The following ARNT variants were observed in gnomAD, a reference collection of about 807,000 sequenced individuals.
The protein encoded by ARNT is class E basic helix-loop-helix protein 2.
In ARNT, 30 loss-of-function variants were observed where a neutral mutation model predicts 105.0. The observed-to-expected ratio is 0.29, with a 90% CI of 0.21 to 0.39. ARNT has a LOEUF of 0.39. Ranked by LOEUF, ARNT falls within the 10% of genes least tolerant of loss-of-function variation. The pLI is 1.00. For missense variants in ARNT, 748 were observed against 978.7 expected (o/e 0.76, Z 3.15); for synonymous variants, 304 against 344.0 (o/e 0.88, Z 1.29).
At chr1:150,872,459 A>C (rs1482558760) in intron 1 of ARNT, among the ~76,000 whole-genome samples, 2 of 152,218 alleles carry the variant, frequency 1.3e-5, no homozygotes. Context: ...TTCCTTCTAC[A>C]TTCTTCATCC....
At position 150,816,303 on chromosome 1, in the gene ARNT, T is replaced by G; in HGVS notation, c.1906A>C (p.Thr636Pro). 6.2e-7 allele frequency: 1 copy of G among 1,606,738 alleles called. No homozygotes were observed. Among genetic ancestry groups the G allele is most frequent in the Non-Finnish European group, 8.5e-7 (1 of 1,177,886 alleles). Residue 636 changes from threonine (T) to proline (P), a missense_variant, in exon 19 of 22, where the codon ACC becomes CCC. Thr to Pro is a conservative substitution (Grantham distance 38). Around this residue, in one of 4 missense-constraint regions of ARNT, gnomAD observed 360 missense variants for 411.9 expected, o/e 0.87. Transcript: ENST00000358595. ...SRHSNPTQGA[T>P]PTWTPTTRSG... is the part of the protein sequence containing the mutation. ...CGGGTAGTAGGGGTCCAAGTTGGGG[T>G]TGCTCCTTGGGTGGGGTTGGAGTGG...
chr1:150,867,216 C>CA (rs1188163518), intron 1 of ARNT, among the ~76,000 whole-genome samples: 2 of 129,150 alleles, frequency 1.5e-5, no homozygotes, highest in Non-Finnish European at 3.4e-5. Context: ...AAAAAAACAA[C>CA]AACAACAAAA....
In ARNT at chr1:150,813,242, C is replaced by A. The variant is rs748207091; in HGVS notation, c.2210G>T (p.Arg737Leu). ...AACATGTTGCTCACTAGAACTTGAA[C>A]GATGATGAGGCTGCTGGCCCTGCCA... Reference protein sequence around the residue: ...PQWQGQQPHHRSSSSEQHVQQ... With the variant: ...PQWQGQQPHHLSSSSEQHVQQ... Residue 737 changes from arginine to leucine, a missense_variant, in exon 21 of 22, where the codon CGT becomes CTT. Physicochemically the swap from Arg to Leu is moderately radical, Grantham distance 102. Coordinates refer to ENST00000358595, the MANE Select transcript of ARNT (RefSeq NM_001668.4). 62 of 1,613,776 alleles carry A rather than the reference C, an allele frequency of 3.8e-5. No individual in the cohort carries two copies. Among genetic ancestry groups the A allele is most frequent in the Non-Finnish European group, 4.9e-5 (58 of 1,179,932 alleles).
Position 150,816,803 on chromosome 1 carries a change from G to A in ARNT, c.1787C>T (p.Pro596Leu), listed in dbSNP as rs79157855. ...QGNTFPPTPR[P>L]AENFRNSGLA... is the part of the protein sequence containing the mutation. ...CGGGGCTCACCTGAAATTCTCTGCC[G>A]GCCGGGGGGTAGGAGGGAATGTGTT... Residue 596 changes from proline to leucine, a missense_variant, in exon 18 of 22, where the codon CCG becomes CTG. Coordinates refer to ENST00000358595, the MANE Select transcript of ARNT (RefSeq NM_001668.4). 24 of 1,582,138 alleles carry A rather than the reference G, an allele frequency of 1.5e-5. No individual in the cohort carries two copies. In the East Asian group the frequency reaches 2.2e-4, roughly 15 times the overall value.
chr1:150,816,414 TG>T lies in ARNT; in HGVS notation c.1803-9del. On this transcript the variant is annotated splice_polypyrimidine_tract_variant and intron_variant, in intron 18 of 21. Coordinates refer to ENST00000358595, the MANE Select transcript of ARNT (RefSeq NM_001668.4). ...GGGGCTAGGCCACTATTCCTAGGAG[TG>T]AATAAATGAGGTAAAAGATTAAAAG... 4 of 1,594,704 alleles carry T rather than the reference TG, an allele frequency of 2.5e-6. No homozygotes were observed. Among genetic ancestry groups the T allele is most frequent in the Non-Finnish European group, 3.4e-6 (4 of 1,174,044 alleles).
At chr1:150,866,880 G>C (rs1666675305) in intron 1 of ARNT, among the ~76,000 whole-genome samples, 2 of 152,246 alleles carry the variant, frequency 1.3e-5, no homozygotes, top group South Asian at 4.1e-4. Flanking sequence ...GGAAATACTG[G>C]TGAGTACATA....
intron 2 of ARNT, among the ~76,000 whole-genome samples, chr1:150,855,736 T>TA (rs769612799): frequency 1.5e-3 from 203 of 137,016 alleles, no homozygotes; most frequent in African/African-American, 1.7e-3. Flanking sequence ...ACCATGTCTT[T>TA]AAAAAAAAAA....
chr1:150,847,038 C>T (rs952961438), intron 3 of ARNT, among the ~76,000 whole-genome samples: 19 of 152,154 alleles, frequency 1.2e-4, no homozygotes, highest in Non-Finnish European at 2.2e-4. Context: ...TCGGTTACTT[C>T]GACCTCTTAT....
At chr1:150,842,921 T>C (rs1661538718) in intron 4 of ARNT, among the ~76,000 whole-genome samples, 1 of 152,192 alleles carries the variant, frequency 6.6e-6, no homozygotes, top group South Asian at 2.1e-4. Context: ...CCACATGTGC[T>C]ATTCTATAAT....
At position 150,838,083 on chromosome 1, in the gene ARNT, TTA is replaced by T. The variant is rs587740349; in HGVS notation, c.486+1356_486+1357del. Among the ~76,000 whole-genome samples the T allele has an allele frequency of 5.3e-5, 8 of 152,338 alleles. No homozygotes were observed. In the East Asian group the frequency reaches 7.7e-4, roughly 15 times the overall value. On this transcript the variant is annotated intron_variant, in intron 6 of 21. Transcript: ENST00000358595. ...AATGCTACCAGATCTAATACATTTT[TTA>T]TGTCTCCCCACTGCATAAAAATTAA... is the stretch of plus-strand genomic sequence containing the variant.
intron 7 of ARNT, 136 bp from the exon 8 acceptor site, chr1:150,834,776 C>A: frequency 1.6e-6 from 1 of 615,426 alleles, no homozygotes; most frequent in Non-Finnish European, 2.8e-6. Flanking sequence ...ACTGACCAAG[C>A]AGGAGATGAA....
At chr1:150,830,052 A>G in intron 10 of ARNT, 72 bp from the exon 11 acceptor site, 1 of 1,545,976 alleles carries the variant, frequency 6.5e-7, no homozygotes, top group South Asian at 1.1e-5. Flanking sequence ...CAGACAAGTA[A>G]AGATTCAAAA....
chr1:150,834,738 T>C (rs994859469), intron 7 of ARNT, 98 bp from the exon 8 acceptor site: 21 of 1,051,118 alleles, frequency 2.0e-5, no homozygotes, highest in Non-Finnish European at 2.9e-5. Flanking sequence ...ATCCTATTCA[T>C]GCCCTTAATC....
chr1:150,861,214 A>G (rs781609336), intron 1 of ARNT: 1 of 323,528 alleles, frequency 3.1e-6, no homozygotes, highest in East Asian at 1.0e-4. Flanking sequence ...GCCTCCAAAA[A>G]TTAAAAATAA....
chr1:150,860,500 G>A (rs1315196862), intron 1 of ARNT, among the ~76,000 whole-genome samples: 1 of 151,296 alleles, frequency 6.6e-6, no homozygotes, highest in Non-Finnish European at 1.5e-5. Context: ...ACAGGCATGA[G>A]CCACCGTGCC....
intron 14 of ARNT, among the ~76,000 whole-genome samples, chr1:150,820,025 C>T (rs1656735094): frequency 6.6e-6 from 1 of 152,176 alleles, no homozygotes; most frequent in Non-Finnish European, 1.5e-5. Flanking sequence ...GAGGATGTAG[C>T]TATGCTCTAA....
rs760463448 is a variant in ARNT, at chr1:150,823,220, G to A, written c.1368C>T (p.Tyr456=). ...TCACATTGGTGTTGGTACAGATGATGTACTCAATTTCATCTGAGTAAGGGT... is the reference window on the plus strand; with the variant it reads ...TCACATTGGTGTTGGTACAGATGATATACTCAATTTCATCTGAGTAAGGGT... The part of the protein sequence containing the change: ...FQNPYSDEIE[Y]IICTNTNVKN... Residue 456 remains tyrosine (Y), a synonymous_variant, in exon 14 of 22, where the codon TAC becomes TAT. Transcript: ENST00000358595. 1.2e-6 allele frequency: 2 copies of A among 1,612,664 alleles called. No individual in the cohort carries two copies. The highest frequency in any genetic ancestry group is 1.7e-6 in the Non-Finnish European group (2 of 1,179,100).
chr1:150,824,686 C>G (rs1268816328), intron 13 of ARNT, among the ~76,000 whole-genome samples: 2 of 151,692 alleles, frequency 1.3e-5, no homozygotes, highest in Non-Finnish European at 2.9e-5. Context: ...AACTCCTGAC[C>G]TCAAATGATC....
At chr1:150,842,558 A>T in intron 4 of ARNT, 90 bp from the exon 5 acceptor site, 5 of 1,038,614 alleles carry the variant, frequency 4.8e-6, no homozygotes, top group Non-Finnish European at 7.2e-6. Flanking sequence ...GGAAGGAGGG[A>T]GGGAGAGGAA....
Sources: gnomAD v4.1 joint callset for allele counts (sites outside exome capture counted in the v4.1 genomes callset) on GRCh38, gnomAD v4.1.1 for gene constraint, gnomAD v4.1.1 regional missense constraint, MANE v1.5 for transcripts, NCBI Gene and HGNC (gene_info 2026-07-23, HGNC 2026-07-21) for gene names.